Variants in FAAH2 observed in about 807,000 individuals in gnomAD.
The protein encoded by FAAH2 is fatty acid amide hydrolase 2, also known as fatty-acid amide hydrolase 2.
Under a neutral mutation model 36.9 loss-of-function variants are expected in FAAH2, and 60 were observed. That is an observed-to-expected ratio of 1.63 (90% CI 1.32 to 2.02). FAAH2 has a LOEUF of 2.02. Ranked by LOEUF, FAAH2 falls within the 30% of genes most tolerant of loss-of-function variation. The probability of loss-of-function intolerance (pLI) is 0.00; values close to 1 mark genes in which losing one functional copy is unlikely to be tolerated. For synonymous variants in FAAH2, 214 were observed against 143.8 expected, an observed-to-expected ratio of 1.49 and a Z score of -3.49; for missense variants, 689 against 397.5, an observed-to-expected ratio of 1.73 and a Z score of -6.23.
At chrX:57,238,623 C>G in the FAAH2 span, among the ~76,000 whole-genome samples, 1 of 111,430 alleles carries the variant, frequency 9.0e-6, no homozygotes, top group Non-Finnish European at 1.9e-5. Context: ...TACCCCTGAA[C>G]GTAAAATGAA....
At chrX:57,447,537 C>T (rs1271718360) in intron 9 of FAAH2, among the ~76,000 whole-genome samples, 1 of 112,362 alleles carries the variant, frequency 8.9e-6, no homozygotes, top group Non-Finnish European at 1.9e-5. Flanking sequence ...CAGGCATTTT[C>T]ATACATCCTC....
chrX:57,345,477 G>A (rs1263644996), intron 5 of FAAH2, among the ~76,000 whole-genome samples: 1 of 110,658 alleles, frequency 9.0e-6, no homozygotes, highest in Non-Finnish European at 1.9e-5. Flanking sequence ...AGGATCAGTT[G>A]TAACTTCACC....
At chrX:57,220,665 C>T in the FAAH2 span, among the ~76,000 whole-genome samples, 114 of 112,305 alleles carry the variant, frequency 1.0e-3, no homozygotes, top group African/African-American at 3.4e-3. Flanking sequence ...GCCCACGGGG[C>T]CGCAGCTCCA....
intron 10 of FAAH2, among the ~76,000 whole-genome samples, chrX:57,463,942 A>G (rs1371838100): frequency 9.0e-6 from 1 of 111,014 alleles, no homozygotes; most frequent in Non-Finnish European, 1.9e-5. Flanking sequence ...TACTATAAAG[A>G]CAGATCCACA....
the FAAH2 span, among the ~76,000 whole-genome samples, chrX:57,217,449 G>A: frequency 1.3e-4 from 15 of 111,741 alleles, no homozygotes; most frequent in East Asian, 4.2e-3. Flanking sequence ...ATCCTGAGTT[G>A]ATTTTTGAAT....
At chrX:57,417,148 C>CT (rs759695672) in intron 7 of FAAH2, among the ~76,000 whole-genome samples, 1 of 111,501 alleles carries the variant, frequency 9.0e-6, no homozygotes, top group Non-Finnish European at 1.9e-5. Flanking sequence ...AGGTTCTTAG[C>CT]TTTTTTTGCA....
chrX:57,202,109 A>G, the FAAH2 span, among the ~76,000 whole-genome samples: 59 of 112,081 alleles, frequency 5.3e-4, no homozygotes, highest in East Asian at 0.013. Flanking sequence ...GAGAGATCAC[A>G]TATCTCTGTT....
chrX:57,310,507 T>C, intron 2 of FAAH2, 86 bp from the exon 3 acceptor site: 1 of 1,013,086 alleles, frequency 9.9e-7, no homozygotes, highest in Non-Finnish European at 1.3e-6. Flanking sequence ...TGATTACATA[T>C]TAACATGTTG....
intron 10 of FAAH2, among the ~76,000 whole-genome samples, chrX:57,457,022 C>T (rs1274920050): frequency 2.7e-5 from 3 of 111,697 alleles, no homozygotes; most frequent in Non-Finnish European, 3.8e-5. Flanking sequence ...GTCAATATCC[C>T]TGATGAACAT....
chrX:57,349,900 G>A (rs1288088846), intron 5 of FAAH2, among the ~76,000 whole-genome samples: 2 of 110,448 alleles, frequency 1.8e-5, no homozygotes, highest in Non-Finnish European at 3.8e-5. Flanking sequence ...CCAAACACAA[G>A]AGGCTCAGTG....
intron 10 of FAAH2, among the ~76,000 whole-genome samples, chrX:57,459,399 C>T (rs752493635): frequency 8.9e-6 from 1 of 112,302 alleles, no homozygotes; most frequent in South Asian, 3.7e-4. Context: ...GCTGTGGGCA[C>T]AGCTTCAGTG....
At chrX:57,353,679 A>G (rs1174389049) in intron 5 of FAAH2, among the ~76,000 whole-genome samples, 1 of 110,818 alleles carries the variant, frequency 9.0e-6, no homozygotes, top group African/African-American at 3.3e-5. Flanking sequence ...AACCTGTTGA[A>G]TGGAAGAAAG....
chrX:57,350,362 G>A (rs1477954612), intron 5 of FAAH2, among the ~76,000 whole-genome samples: 1 of 109,783 alleles, frequency 9.1e-6, no homozygotes, highest in Non-Finnish European at 1.9e-5. Flanking sequence ...CACTAGAAAA[G>A]CAATCACACA....
the FAAH2 span, among the ~76,000 whole-genome samples, chrX:57,216,634 A>ATATG: frequency 1.1e-5 from 1 of 93,449 alleles, no homozygotes; most frequent in African/African-American, 3.6e-5. Flanking sequence ...GTATATATAT[A>ATATG]TACGTATATA....
At chrX:57,233,100 G>A in the FAAH2 span, among the ~76,000 whole-genome samples, 1 of 111,969 alleles carries the variant, frequency 8.9e-6, no homozygotes, top group Non-Finnish European at 1.9e-5. Flanking sequence ...CAGGTCTATG[G>A]TATTATGTAG....
the FAAH2 span, among the ~76,000 whole-genome samples, chrX:57,174,724 A>G: frequency 9.0e-6 from 1 of 111,404 alleles, no homozygotes; most frequent in Non-Finnish European, 1.9e-5. Flanking sequence ...AGTGCTATAA[A>G]GTTTCCTCTT....
chrX:57,281,772 A>C (rs975095067), upstream of FAAH2, among the ~76,000 whole-genome samples: 3 of 111,231 alleles, frequency 2.7e-5, no homozygotes, highest in Non-Finnish European at 5.6e-5. Flanking sequence ...CTTTGTGGCC[A>C]TATGTCCTCA....
chrX:57,360,010 G>T (rs2054250652), intron 5 of FAAH2, among the ~76,000 whole-genome samples: 1 of 105,351 alleles, frequency 9.5e-6, no homozygotes, highest in Admixed American at 1.0e-4. Flanking sequence ...TATCATTCCA[G>T]TCCTTTCTGT....
chrX:57,389,276 A>C (rs184325734), intron 7 of FAAH2, among the ~76,000 whole-genome samples: 1,042 of 48,010 alleles, frequency 0.022, 6 homozygotes, highest in Non-Finnish European at 0.036. Context: ...ACACACACAC[A>C]CCTACACACA....
Sources: gnomAD v4.1 joint callset for allele counts (sites outside exome capture counted in the v4.1 genomes callset) on GRCh38, gnomAD v4.1.1 for gene constraint, MANE v1.5 for transcripts, NCBI Gene and HGNC (gene_info 2026-07-23, HGNC 2026-07-21) for gene names.